ROBO2: variants seen among roughly 807,000 people sequenced by gnomAD.
ROBO2 encodes the protein roundabout homolog 2.
A neutral mutation model predicts 160.8 loss-of-function variants in ROBO2; 53 were observed. The ratio of observed to expected loss-of-function variants is 0.33; its 90% CI spans 0.26 to 0.41. The LOEUF (loss-of-function observed/expected upper bound fraction) is 0.41, where lower values mean the gene tolerates loss of function less well. ROBO2 is among the 10% of genes least tolerant of loss of function. The pLI, the probability that ROBO2 is intolerant of heterozygous loss-of-function variation, is 1.00. For synonymous variants in ROBO2, 664 were observed against 611.7 expected (o/e 1.09, Z -1.26); for missense variants, 1,577 against 1,722.4 (o/e 0.92, Z 1.49).
At chr3:76,061,927 A>G (rs1350387598) in intron 2 of ROBO2, among the ~76,000 whole-genome samples, 1 of 152,092 alleles carries the variant, frequency 6.6e-6, no homozygotes, top group African/African-American at 2.4e-5. Flanking sequence ...AAAGCCAGCA[A>G]CATTGTTCTC....
At chr3:76,069,743 G>A (rs752478655) in intron 2 of ROBO2, among the ~76,000 whole-genome samples, 9 of 152,110 alleles carry the variant, frequency 5.9e-5, no homozygotes, top group South Asian at 2.1e-4. Context: ...GTTCAGACAC[G>A]TTAGCTAAGG....
intron 2 of ROBO2, among the ~76,000 whole-genome samples, chr3:77,232,706 T>G (rs915562608): frequency 7.2e-5 from 11 of 152,184 alleles, no homozygotes; most frequent in African/African-American, 2.4e-4. Flanking sequence ...TTTTGTTGGT[T>G]GTTTTTGTCA....
At chr3:76,383,845 C>T (rs1241631145) in intron 2 of ROBO2, among the ~76,000 whole-genome samples, 1 of 152,238 alleles carries the variant, frequency 6.6e-6, no homozygotes, top group East Asian at 1.9e-4. Context: ...ACTTTGTGAA[C>T]TCTATGTAAG....
chr3:77,283,881 T>A (rs1412998397), intron 2 of ROBO2, among the ~76,000 whole-genome samples: 2 of 152,206 alleles, frequency 1.3e-5, no homozygotes, highest in South Asian at 2.1e-4. Flanking sequence ...GAATAGCTAG[T>A]TAAGATGAAT....
At chr3:76,367,325 T>G (rs2108448422) in intron 2 of ROBO2, among the ~76,000 whole-genome samples, 1 of 152,136 alleles carries the variant, frequency 6.6e-6, no homozygotes, top group Admixed American at 6.6e-5. Flanking sequence ...ATACACAAAT[T>G]TTCATCCTCA....
intron 2 of ROBO2, among the ~76,000 whole-genome samples, chr3:76,574,499 GAAC>G (rs1268826841): frequency 6.6e-6 from 1 of 151,984 alleles, no homozygotes; most frequent in Non-Finnish European, 1.5e-5. Flanking sequence ...TTAAGTTTTA[GAAC>G]AATATAAAGA....
intron 2 of ROBO2, among the ~76,000 whole-genome samples, chr3:77,202,097 C>T (rs958852326): frequency 3.9e-5 from 6 of 151,918 alleles, no homozygotes; most frequent in African/African-American, 1.5e-4. Context: ...TCCTGCATGC[C>T]TAGATAGGTA....
At chr3:76,528,823 G>A (rs1217504730) in intron 2 of ROBO2, among the ~76,000 whole-genome samples, 3 of 152,134 alleles carry the variant, frequency 2.0e-5, no homozygotes, top group African/African-American at 7.2e-5. Flanking sequence ...TTACGGAAAT[G>A]AGAAGAAACA....
At position 77,211,061 on chromosome 3, in the gene ROBO2, G is replaced by C. The variant is rs562885508; in HGVS notation, c.388+112721G>C. On this transcript the variant is annotated intron_variant, in intron 2 of 25. Transcript: ENST00000461745. ...CCGCAATAAACATATGTGTGTGTGT[G>C]TCTTTATAGCAGCATGTTTTGTAAT... 2.5e-4 allele frequency among the ~76,000 whole-genome samples: 38 copies of C among 152,258 alleles called. No individual in the cohort carries two copies. The South Asian group carries it at 7.9e-3, about 32-fold the overall frequency.
At chr3:77,035,354 C>G (rs944029942), upstream of ROBO2, among the ~76,000 whole-genome samples, 2 of 151,816 alleles carry the variant, frequency 1.3e-5, no homozygotes, top group South Asian at 4.2e-4. Flanking sequence ...CTCAATGTTA[C>G]ATACCACTTA....
In ROBO2 at chr3:76,405,393, A is replaced by G. The variant is rs145566112; in HGVS notation, c.109+467791A>G. Among the ~76,000 whole-genome samples, 10 of 151,788 alleles carry G rather than the reference A, an allele frequency of 6.6e-5. No homozygotes were observed. The East Asian group carries it at 1.9e-3, about 29-fold the overall frequency. On this transcript the variant is annotated intron_variant, in intron 2 of 26. Coordinates refer to the ROBO2 transcript ENST00000487694. ...ATTTAGTGCATGATTCATTCTAGAT[A>G]CATATGATTTTGGAATGTACAGAGG...
At chr3:76,894,989 A>C (rs1301500310) in intron 2 of ROBO2, among the ~76,000 whole-genome samples, 3 of 152,130 alleles carry the variant, frequency 2.0e-5, no homozygotes, top group Non-Finnish European at 2.9e-5. Context: ...TGTGTTAACT[A>C]TTTTAACATT....
chr3:77,237,183 C>CT (rs34992972), intron 2 of ROBO2, among the ~76,000 whole-genome samples: 28,646 of 107,296 alleles, frequency 0.27, 4,337 homozygotes, highest in Non-Finnish European at 0.34. Context: ...CTTGACCTTT[C>CT]TTTTTTTTTT....
chr3:77,397,925 AAAG>A (rs1305614133), intron 2 of ROBO2, among the ~76,000 whole-genome samples: 3 of 152,162 alleles, frequency 2.0e-5, no homozygotes, highest in Non-Finnish European at 2.9e-5. Flanking sequence ...CAACAAAGAA[AAAG>A]AAGAGACATA....
intron 2 of ROBO2, among the ~76,000 whole-genome samples, chr3:77,155,095 T>C (rs1026090620): frequency 4.6e-5 from 7 of 152,164 alleles, no homozygotes; most frequent in African/African-American, 1.7e-4. Flanking sequence ...TGGATTGTTT[T>C]TGAGGCAATG....
At chr3:77,433,568 G>A (rs1253778536) in intron 2 of ROBO2, among the ~76,000 whole-genome samples, 1 of 144,468 alleles carries the variant, frequency 6.9e-6, no homozygotes, top group African/African-American at 2.5e-5. Flanking sequence ...AGACTTACTT[G>A]TGAGTTCTCT....
At chr3:76,353,098 G>A (rs982325512) in intron 2 of ROBO2, among the ~76,000 whole-genome samples, 29 of 152,008 alleles carry the variant, frequency 1.9e-4, no homozygotes, top group African/African-American at 6.8e-4. Flanking sequence ...TAATGCAAAT[G>A]CACATAAATG....
At chr3:77,345,539 C>T (rs2067538193) in intron 2 of ROBO2, among the ~76,000 whole-genome samples, 1 of 152,040 alleles carries the variant, frequency 6.6e-6, no homozygotes, top group African/African-American at 2.4e-5. Context: ...TGAATTGATG[C>T]CCCCTCCCCA....
intron 2 of ROBO2, among the ~76,000 whole-genome samples, chr3:75,969,428 AC>A (rs2064922789): frequency 6.6e-6 from 1 of 151,464 alleles, no homozygotes; most frequent in Admixed American, 6.6e-5. Context: ...TTGGGTATGT[AC>A]CCAGCAGGGG....
Sources: allele counts gnomAD v4.1 joint callset (sites outside exome capture counted in the v4.1 genomes callset), GRCh38; gene constraint gnomAD v4.1.1; transcripts MANE v1.5; gene names NCBI Gene and HGNC (gene_info 2026-07-23, HGNC 2026-07-21).